ZWILCH: variants seen among roughly 807,000 people sequenced by gnomAD.
ZWILCH encodes protein zwilch homolog.
Under a neutral mutation model 79.9 loss-of-function variants are expected in ZWILCH, and 74 were observed. The ratio of observed to expected loss-of-function variants is 0.93; its 90% CI spans 0.77 to 1.12. ZWILCH has a LOEUF of 1.12. ZWILCH is among the 50% of genes most tolerant of loss of function. ZWILCH has a pLI of 0.00. For synonymous variants in ZWILCH, 241 were observed against 228.2 expected (o/e 1.06, Z -0.51); for missense variants, 694 against 687.5 (o/e 1.01, Z -0.11).
chr15:66,520,558 G>A, intron 5 of ZWILCH, 32 bp from the exon 6 acceptor site: 1 of 1,139,418 alleles, frequency 8.8e-7, no homozygotes, highest in Non-Finnish European at 1.3e-6. Flanking sequence ...TTTGAGTTGT[G>A]CCTTTACATT....
At chr15:66,512,212 T>C (rs28413518) in intron 2 of ZWILCH, among the ~76,000 whole-genome samples, 2,716 of 152,298 alleles carry the variant, frequency 0.018, 37 homozygotes, top group Middle Eastern at 0.037. Flanking sequence ...ATCCTGTTTT[T>C]ATTAGGCAAA....
intron 16 of ZWILCH, among the ~76,000 whole-genome samples, chr15:66,538,584 T>C (rs1895090765): frequency 6.6e-6 from 1 of 152,138 alleles, no homozygotes; most frequent in Non-Finnish European, 1.5e-5. Context: ...TGTTTCACCA[T>C]GTTGGCCAGG....
chr15:66,517,404 G>C (rs1188877778), intron 4 of ZWILCH, among the ~76,000 whole-genome samples: 1 of 81,376 alleles, frequency 1.2e-5, no homozygotes, highest in Non-Finnish European at 2.4e-5. Flanking sequence ...TATAGATTTT[G>C]TGTTTGTGTG....
intron 12 of ZWILCH, among the ~76,000 whole-genome samples, chr15:66,531,514 G>T (rs1245096829): frequency 6.6e-6 from 1 of 152,158 alleles, no homozygotes; most frequent in African/African-American, 2.4e-5. Flanking sequence ...AGGCTGGAGT[G>T]CAGTGCTGTG....
At chr15:66,544,264 AAAAAG>A (rs1895285403) in intron 17 of ZWILCH, among the ~76,000 whole-genome samples, 1 of 152,000 alleles carries the variant, frequency 6.6e-6, no homozygotes, top group African/African-American at 2.4e-5. Context: ...TCTCAAAAAA[AAAAAG>A]AAAAAAGAAA....
chr15:66,521,973 A>T (rs1894509958), intron 7 of ZWILCH, among the ~76,000 whole-genome samples: 1 of 152,206 alleles, frequency 6.6e-6, no homozygotes, highest in African/African-American at 2.4e-5. Context: ...GCTGAGGAGG[A>T]TGGATCACGG....
chr15:66,539,966 G>A (rs960163395), intron 16 of ZWILCH, 132 bp from the exon 17 acceptor site: 24 of 544,676 alleles, frequency 4.4e-5, no homozygotes, highest in Middle Eastern at 8.2e-4. Flanking sequence ...CCTCAAGGGC[G>A]GGAATTGTGA....
At chr15:66,509,870 T>TAG (rs1491513134) in intron 2 of ZWILCH, among the ~76,000 whole-genome samples, 3,887 of 100,506 alleles carry the variant, frequency 0.039, 250 homozygotes, top group Middle Eastern at 0.056. Flanking sequence ...TATATATATA[T>TAG]CTCTTAAAAA....
intron 2 of ZWILCH, among the ~76,000 whole-genome samples, chr15:66,509,815 G>A (rs1482180751): frequency 7.5e-6 from 1 of 133,904 alleles, no homozygotes; most frequent in Non-Finnish European, 1.6e-5. Flanking sequence ...ATGTGTGTGT[G>A]TGGCTACATA....
chr15:66,509,982 G>C (rs1208297814), intron 2 of ZWILCH, among the ~76,000 whole-genome samples: 1 of 149,596 alleles, frequency 6.7e-6, no homozygotes. Context: ...TTCGATACCA[G>C]CCTGGCCAAC....
chr15:66,521,014 C>T (rs1420758923), intron 6 of ZWILCH, 36 bp from the exon 7 acceptor site: 1 of 1,600,834 alleles, frequency 6.2e-7, no homozygotes. Flanking sequence ...CATGTGGAAG[C>T]ACAGCTAAAT....
rs144889204 is a variant in ZWILCH at position 66,516,797 on chromosome 15, C to T, written c.320+1153C>T. On this transcript the variant is annotated intron_variant, in intron 4 of 18. Coordinates refer to ENST00000307897, the MANE Select transcript of ZWILCH (RefSeq NM_017975.5). Reference sequence around the variant, plus strand: ...CTGGGATTACAGGCATGAGCCACTGCGCCCAGCCTAGAAGTTTTAAAAGTT... The same window carrying T: ...CTGGGATTACAGGCATGAGCCACTGTGCCCAGCCTAGAAGTTTTAAAAGTT... 3.2e-3 allele frequency among the ~76,000 whole-genome samples: 484 copies of T among 152,290 alleles called. 3 individuals are homozygous for T. The highest frequency in any genetic ancestry group is 0.011 in the African/African-American group (463 of 41,562).
chr15:66,531,221 G>A (rs1317282278), intron 12 of ZWILCH, among the ~76,000 whole-genome samples: 6 of 152,152 alleles, frequency 3.9e-5, no homozygotes, highest in African/African-American at 1.4e-4. Flanking sequence ...GAACATGCAT[G>A]GACCATTGAG....
At position 66,537,698 on chromosome 15, in the gene ZWILCH, T is replaced by A. The variant is rs574199774; in HGVS notation, c.1574+435T>A. Among the ~76,000 whole-genome samples the A allele has an allele frequency of 1.3e-3, 202 of 151,934 alleles. 5 individuals are homozygous for A. The South Asian group carries it at 0.036, about 27-fold the overall frequency. ...AAGAGTGAAACTCCGTCTCAAAAAATAATAATAATAATGATAATAAATAAG... is the reference window on the plus strand; with the variant it reads ...AAGAGTGAAACTCCGTCTCAAAAAAAAATAATAATAATGATAATAAATAAG... On this transcript the variant is annotated intron_variant, in intron 16 of 18. Coordinates refer to ENST00000307897, the MANE Select transcript of ZWILCH (RefSeq NM_017975.5).
chr15:66,549,273 T>C lies in ZWILCH; in HGVS notation c.*949T>C, dbSNP rs1426682235. ...TTCAACCTTGTTTATTTTAGTTTAA[T>C]GGAATATACATTCTTAGTATTGCCT... On this transcript the variant is annotated 3_prime_UTR_variant, in exon 19 of 19. Transcript: ENST00000307897. 1 of 152,230 alleles carries C rather than the reference T, an allele frequency of 6.6e-6. No individual in the cohort carries two copies. Among genetic ancestry groups the C allele is most frequent in the African/African-American group, 2.4e-5 (1 of 41,450 alleles). 9.4% of individuals were successfully genotyped at this position (152,230 alleles called of 1,614,324 possible). A position where few individuals can be genotyped will look rare whatever the true frequency, so the allele number is the denominator to read the frequency against.
In ZWILCH at chr15:66,505,350, G is replaced by C. The variant is rs540211466; in HGVS notation, c.12G>C (p.Arg4=). ...CACATTGGGGCGGGATGTGGGAGCGGCTGAACTGCGCAGCAGAGGACTTTT... is the reference window on the plus strand; with the variant it reads ...CACATTGGGGCGGGATGTGGGAGCGCCTGAACTGCGCAGCAGAGGACTTTT... MWE[R]LNCAAEDFYS... Residue 4 remains arginine, a synonymous_variant, in exon 1 of 19, where the codon CGG becomes CGC. Transcript: ENST00000307897. 6.2e-7 allele frequency: 1 copy of C among 1,613,928 alleles called. No individual in the cohort carries two copies. The highest frequency in any genetic ancestry group is 2.2e-5 in the East Asian group (1 of 44,878).
chr15:66,509,599 G>T (rs79350921), intron 2 of ZWILCH, among the ~76,000 whole-genome samples: 31,645 of 151,726 alleles, frequency 0.21, 3,871 homozygotes, highest in South Asian at 0.32. Flanking sequence ...TCCAGTTTTT[G>T]ATGATTATGA....
At position 66,527,004 on chromosome 15, in the gene ZWILCH, G is replaced by A. The variant is rs56909544; in HGVS notation, c.820-286G>A. On this transcript the variant is annotated intron_variant, in intron 8 of 18. Coordinates refer to ENST00000307897, the MANE Select transcript of ZWILCH (RefSeq NM_017975.5). ...GTTCAGAGTACCATCTTTGGGATCA[G>A]ACCACTGGGTATATATCCTGAGACT... 2.9e-3 allele frequency among the ~76,000 whole-genome samples: 437 copies of A among 152,218 alleles called. 2 individuals are homozygous for A. The highest frequency in any genetic ancestry group is 0.01 in the African/African-American group (423 of 41,516).
chr15:66,517,726 C>CTTTTTTTTTTTTTTT (rs1161719182), intron 4 of ZWILCH, among the ~76,000 whole-genome samples: 1 of 58,228 alleles, frequency 1.7e-5, no homozygotes, highest in Non-Finnish European at 3.0e-5. Context: ...CTTTTCTTTC[C>CTTTTTTTTTTTTTTT]TTTTTTTTTT....
Sources: allele counts gnomAD v4.1 joint callset (sites outside exome capture counted in the v4.1 genomes callset), GRCh38; gene constraint gnomAD v4.1.1; transcripts MANE v1.5; gene names NCBI Gene and HGNC (gene_info 2026-07-23, HGNC 2026-07-21).